ELK3: variants seen among roughly 807,000 people sequenced by gnomAD.
ELK3 encodes the protein ETS transcription factor ELK3.
A neutral mutation model predicts 28.9 loss-of-function variants in ELK3; 10 were observed. That is an observed-to-expected ratio of 0.35 (90% CI 0.21 to 0.59). The LOEUF is 0.59. ELK3 is among the 20% of genes least tolerant of loss of function. The pLI, the probability that ELK3 is intolerant of heterozygous loss-of-function variation, is 0.82. For synonymous variants in ELK3, 272 were observed against 243.5 expected (o/e 1.12, Z -1.09); for missense variants, 463 against 517.3 (o/e 0.90, Z 1.02).
At chr12:96,208,649 T>G (rs1213536857) in intron 1 of ELK3, among the ~76,000 whole-genome samples, 1 of 152,122 alleles carries the variant, frequency 6.6e-6, no homozygotes, top group African/African-American at 2.4e-5. Context: ...GTAAATGAAG[T>G]GCAACCAGAT....
At chr12:96,214,671 GA>G (rs1193781130) in intron 1 of ELK3, among the ~76,000 whole-genome samples, 1 of 151,932 alleles carries the variant, frequency 6.6e-6, no homozygotes, top group African/African-American at 2.4e-5. Flanking sequence ...AATGTCCTTT[GA>G]AAATAAATTT....
chr12:96,254,624 C>T (rs891744740), intron 3 of ELK3, among the ~76,000 whole-genome samples: 10 of 151,964 alleles, frequency 6.6e-5, no homozygotes, highest in African/African-American at 2.4e-4. Flanking sequence ...GTGAAAGCTG[C>T]TGTGTTTGGA....
chr12:96,195,679 C>T (rs983396746), intron 1 of ELK3, among the ~76,000 whole-genome samples: 1 of 152,032 alleles, frequency 6.6e-6, no homozygotes, highest in Non-Finnish European at 1.5e-5. Context: ...AAACGAGTGT[C>T]GGGAGAGTTT....
chr12:96,207,485 A>G (rs1029073389), intron 1 of ELK3, among the ~76,000 whole-genome samples: 4 of 152,246 alleles, frequency 2.6e-5, no homozygotes, highest in Admixed American at 2.0e-4. Flanking sequence ...TCCAAAGCGA[A>G]TGTATTACCA....
At chr12:96,259,369 T>A (rs1200783381) in intron 3 of ELK3, among the ~76,000 whole-genome samples, 2 of 152,030 alleles carry the variant, frequency 1.3e-5, no homozygotes, top group Non-Finnish European at 2.9e-5. Flanking sequence ...CTGGCCAACG[T>A]AATGAAACCC....
chr12:96,228,883 T>G (rs770158120), intron 2 of ELK3, among the ~76,000 whole-genome samples: 4 of 152,144 alleles, frequency 2.6e-5, no homozygotes, highest in African/African-American at 7.2e-5. Flanking sequence ...TGTCGGACTG[T>G]GTGAGGATGG....
intron 2 of ELK3, among the ~76,000 whole-genome samples, chr12:96,224,293 C>T (rs896751719): frequency 2.0e-5 from 3 of 151,872 alleles, no homozygotes; most frequent in African/African-American, 2.4e-5. Flanking sequence ...GATGACCGAC[C>T]GAGCCATTAC....
In ELK3 at chr12:96,268,125, T is replaced by C. The variant is rs1170180964; in HGVS notation, c.*945T>C. The C allele has an allele frequency of 1.3e-5, 2 of 152,244 alleles. No individual in the cohort carries two copies. The highest frequency in any genetic ancestry group is 2.9e-5 in the Non-Finnish European group (2 of 68,040). The allele number at this position is 152,244 out of a possible 1,614,324, so 9.4% of individuals were successfully genotyped here. The stretch of plus-strand genomic sequence containing the variant: ...GGTTCCCCTGGAACTATAATTAACA[T>C]TTAAAAAATCTAATGCTTTAGAAGA... On this transcript the variant is annotated 3_prime_UTR_variant, in exon 5 of 5. Transcript: ENST00000228741.
intron 1 of ELK3, among the ~76,000 whole-genome samples, chr12:96,199,776 A>C (rs1951497255): frequency 6.6e-6 from 1 of 152,214 alleles, no homozygotes; most frequent in African/African-American, 2.4e-5. Context: ...GTATTAATTT[A>C]CATTTCCTGG....
intron 4 of ELK3, among the ~76,000 whole-genome samples, chr12:96,264,153 T>G (rs183865246): frequency 1.1e-3 from 168 of 152,182 alleles, no homozygotes; most frequent in Admixed American, 1.7e-3. Flanking sequence ...TGGCTAAGTT[T>G]TGAAATTTTT....
intron 1 of ELK3, among the ~76,000 whole-genome samples, chr12:96,200,039 A>G (rs1014163818): frequency 1.3e-5 from 2 of 152,192 alleles, no homozygotes; most frequent in African/African-American, 2.4e-5. Context: ...GGTATAAAAC[A>G]CTTATCTAGA....
chr12:96,252,684 T>C (rs1423305423), intron 3 of ELK3, among the ~76,000 whole-genome samples: 4 of 152,232 alleles, frequency 2.6e-5, no homozygotes, highest in African/African-American at 9.6e-5. Flanking sequence ...ACCAAATTGC[T>C]GCAATTTATT....
chr12:96,248,052 C>T (rs531581675), intron 3 of ELK3, among the ~76,000 whole-genome samples: 7 of 149,830 alleles, frequency 4.7e-5, no homozygotes, highest in African/African-American at 7.2e-5. Context: ...GAAAGTTGAG[C>T]GGGCCAGTTT....
chr12:96,236,181 C>A (rs1165123799), intron 2 of ELK3, among the ~76,000 whole-genome samples: 1 of 152,102 alleles, frequency 6.6e-6, no homozygotes, highest in Non-Finnish European at 1.5e-5. Context: ...TAAAAGTACC[C>A]TTGAGTGTTT....
chr12:96,257,280 TTTCAGGGAGAAC>T (rs1157757410), intron 3 of ELK3, among the ~76,000 whole-genome samples: 7 of 152,190 alleles, frequency 4.6e-5, no homozygotes, highest in Admixed American at 2.6e-4. Flanking sequence ...GCCACAGGAT[TTTCAGGGAGAAC>T]TTCAGGGATA....
Position 96,247,712 on chromosome 12 carries a change from C to T in ELK3, c.980C>T (p.Thr327Ile). 6.3e-7 allele frequency: 1 copy of T among 1,592,692 alleles called. No homozygotes were observed. Among genetic ancestry groups the T allele is most frequent in the Non-Finnish European group, 8.5e-7 (1 of 1,170,212 alleles). ...NSPALPSGSL[T>I]PAFFTAQTPN... The stretch of plus-strand genomic sequence containing the variant: ...CCAGCCCTCCCCTCGGGATCCCTCA[C>T]CCCAGCCTTCTTCACCGCACAGGTA... The change falls in exon 3 of 5, where the codon ACC (threonine) becomes ATC (isoleucine). Residue 327 changes from threonine to isoleucine, a missense_variant. This residue lies in a region of ELK3 where 408 missense variants were observed against 414.8 expected (regional missense o/e 0.98). Transcript: ENST00000228741. This position sits in a 1 kb window ranked among gnomAD's most constrained non-coding sequence, Gnocchi z 5.5.
intron 3 of ELK3, among the ~76,000 whole-genome samples, chr12:96,256,628 T>C (rs945116159): frequency 6.6e-6 from 1 of 152,168 alleles, no homozygotes; most frequent in African/African-American, 2.4e-5. Context: ...AGCAGATACC[T>C]TAAAGGCTAC....
rs187564818 is a variant in ELK3, at chr12:96,242,839, G to A, written c.208-4101G>A. On this transcript the variant is annotated intron_variant, in intron 2 of 4. Transcript: ENST00000228741. ...TGGCAGGTTTCCAGGTAGCCAGATC[G>A]AATCCGTCTTTCCCATTGGTCTCTA... 4.6e-5 allele frequency among the ~76,000 whole-genome samples: 7 copies of A among 152,264 alleles called. No homozygotes were observed. In the East Asian group the frequency reaches 7.7e-4, roughly 17 times the overall value.
At chr12:96,206,212 T>G (rs985480961) in intron 1 of ELK3, among the ~76,000 whole-genome samples, 1 of 152,208 alleles carries the variant, frequency 6.6e-6, no homozygotes, top group Non-Finnish European at 1.5e-5. Context: ...AGGAGAAACT[T>G]TAAAACCTTG....
Sources: allele counts gnomAD v4.1 joint callset (sites outside exome capture counted in the v4.1 genomes callset), GRCh38; gene constraint gnomAD v4.1.1; regional missense constraint gnomAD v4.1.1; non-coding constraint Gnocchi (gnomAD v3.1); transcripts MANE v1.5; gene names NCBI Gene and HGNC (gene_info 2026-07-23, HGNC 2026-07-21).